Variants in GALNTL6 observed in about 807,000 individuals in gnomAD.
GALNTL6 encodes polypeptide N-acetylgalactosaminyltransferase-like 6.
A neutral mutation model predicts 73.7 loss-of-function variants in GALNTL6; 46 were observed. The observed-to-expected ratio is 0.62, with a 90% confidence interval of 0.49 to 0.80. GALNTL6 has a LOEUF of 0.80. Ranked by LOEUF, GALNTL6 falls within the 30% of genes least tolerant of loss-of-function variation. The pLI, the probability that GALNTL6 is intolerant of heterozygous loss-of-function variation, is 0.00. For missense variants in GALNTL6, 604 were observed against 755.0 expected, an observed-to-expected ratio of 0.80 and a Z score of 2.34; for synonymous variants, 259 against 263.7, an observed-to-expected ratio of 0.98 and a Z score of 0.17.
chr4:172,198,918 A>G (rs1250839709), intron 2 of GALNTL6, among the ~76,000 whole-genome samples: 1 of 152,084 alleles, frequency 6.6e-6, no homozygotes, highest in Admixed American at 6.6e-5. Flanking sequence ...ACTTCTCTCT[A>G]ATGATAGCCA....
chr4:172,852,702 A>G (rs1358755885), intron 7 of GALNTL6, among the ~76,000 whole-genome samples: 1 of 152,098 alleles, frequency 6.6e-6, no homozygotes, highest in Non-Finnish European at 1.5e-5. Flanking sequence ...GTTTATATAC[A>G]TAGGACTATT....
At chr4:172,319,691 A>G (rs1160062137) in intron 4 of GALNTL6, among the ~76,000 whole-genome samples, 1 of 152,196 alleles carries the variant, frequency 6.6e-6, no homozygotes, top group Non-Finnish European at 1.5e-5. Context: ...TTATTTATTA[A>G]GCATGTGAGT....
chr4:172,104,343 G>A (rs1197695872), intron 2 of GALNTL6, among the ~76,000 whole-genome samples: 1 of 152,230 alleles, frequency 6.6e-6, no homozygotes, highest in Non-Finnish European at 1.5e-5. Context: ...TACTAAGACA[G>A]AGAGGTAAGA....
intron 2 of GALNTL6, among the ~76,000 whole-genome samples, chr4:171,890,405 C>G (rs1736728070): frequency 1.3e-5 from 2 of 152,160 alleles, no homozygotes; most frequent in South Asian, 4.1e-4. Flanking sequence ...AATATGGACA[C>G]TATAATTTTT....
chr4:172,201,538 T>C (rs971864288), intron 2 of GALNTL6, among the ~76,000 whole-genome samples: 1 of 152,044 alleles, frequency 6.6e-6, no homozygotes, highest in African/African-American at 2.4e-5. Context: ...TTTTTGTTTT[T>C]AATAAGAATA....
At chr4:172,878,300 C>G (rs1745289807) in intron 7 of GALNTL6, among the ~76,000 whole-genome samples, 1 of 151,808 alleles carries the variant, frequency 6.6e-6, no homozygotes, top group Non-Finnish European at 1.5e-5. Context: ...CTTAGGGCCA[C>G]TTATTTCCAA....
intron 5 of GALNTL6, among the ~76,000 whole-genome samples, chr4:172,412,862 A>G (rs1284247567): frequency 6.6e-6 from 1 of 152,176 alleles, no homozygotes; most frequent in Non-Finnish European, 1.5e-5. Flanking sequence ...TAAGTGGACC[A>G]ATAATGTTAA....
At chr4:172,891,855 G>A (rs983363288) in intron 8 of GALNTL6, among the ~76,000 whole-genome samples, 1 of 151,354 alleles carries the variant, frequency 6.6e-6, no homozygotes, top group Non-Finnish European at 1.5e-5. Flanking sequence ...TTTTATTTTT[G>A]TCTGACTGGG....
At chr4:171,834,223 C>T (rs1735045584) in intron 2 of GALNTL6, among the ~76,000 whole-genome samples, 2 of 151,868 alleles carry the variant, frequency 1.3e-5, no homozygotes, top group South Asian at 2.1e-4. Flanking sequence ...TTTGCTCTCA[C>T]GGAATTGATT....
At chr4:172,767,488 C>T (rs1738501097) in intron 5 of GALNTL6, among the ~76,000 whole-genome samples, 1 of 152,114 alleles carries the variant, frequency 6.6e-6, no homozygotes, top group Admixed American at 6.6e-5. Context: ...ACATCAACTA[C>T]CTATGGCCAC....
chr4:172,821,306 T>A (rs1437325765), intron 7 of GALNTL6, among the ~76,000 whole-genome samples: 3 of 152,208 alleles, frequency 2.0e-5, no homozygotes, highest in Non-Finnish European at 4.4e-5. Context: ...AGATTTCAAA[T>A]CTTAGCTTTA....
At chr4:172,496,315 A>T (rs1486556466) in intron 5 of GALNTL6, among the ~76,000 whole-genome samples, 1 of 152,226 alleles carries the variant, frequency 6.6e-6, no homozygotes, top group African/African-American at 2.4e-5. Flanking sequence ...AGATGAATTT[A>T]TGAGAATTGG....
intron 8 of GALNTL6, among the ~76,000 whole-genome samples, chr4:172,909,152 C>T (rs966437522): frequency 6.6e-6 from 1 of 151,404 alleles, no homozygotes; most frequent in Non-Finnish European, 1.5e-5. Context: ...AGAACAACTA[C>T]CCATTTTGAA....
chr4:172,301,094 C>T (rs1044513879), intron 3 of GALNTL6, among the ~76,000 whole-genome samples: 1 of 151,244 alleles, frequency 6.6e-6, no homozygotes, highest in Non-Finnish European at 1.5e-5. Flanking sequence ...CTAAACTTCT[C>T]TTCTCTCTTC....
At chr4:172,340,112 A>G (rs147406968) in intron 4 of GALNTL6, among the ~76,000 whole-genome samples, 2 of 152,312 alleles carry the variant, frequency 1.3e-5, no homozygotes, top group African/African-American at 2.4e-5. Flanking sequence ...ATAATTGCAT[A>G]TAATATTAGC....
chr4:172,471,897 C>T (rs1411247320), intron 5 of GALNTL6, among the ~76,000 whole-genome samples: 1 of 152,184 alleles, frequency 6.6e-6, no homozygotes, highest in African/African-American at 2.4e-5. Context: ...TTAATTTTCA[C>T]ATCACTCATT....
intron 6 of GALNTL6, among the ~76,000 whole-genome samples, chr4:172,810,794 G>A (rs1741250775): frequency 6.6e-6 from 1 of 152,074 alleles, no homozygotes; most frequent in African/African-American, 2.4e-5. Flanking sequence ...CCTTGTCCAA[G>A]GACACAGCAA....
chr4:172,255,352 C>T (rs1738036442), intron 3 of GALNTL6, among the ~76,000 whole-genome samples: 1 of 126,512 alleles, frequency 7.9e-6, no homozygotes, highest in Non-Finnish European at 1.8e-5. Context: ...AGAGCCTGTT[C>T]AATTAGTTGA....
intron 12 of GALNTL6, among the ~76,000 whole-genome samples, chr4:173,035,096 CTTT>C (rs33964878): frequency 7.1e-6 from 1 of 140,156 alleles, no homozygotes; most frequent in Non-Finnish European, 1.5e-5. Flanking sequence ...ACAAACATTT[CTTT>C]TTTTTTTTAT....
Sources: gnomAD v4.1 joint callset for allele counts (sites outside exome capture counted in the v4.1 genomes callset) on GRCh38, gnomAD v4.1.1 for gene constraint, MANE v1.5 for transcripts, NCBI Gene and HGNC (gene_info 2026-07-23, HGNC 2026-07-21) for gene names.